RERE: variants seen among roughly 807,000 people sequenced by gnomAD.
RERE encodes the protein arginine-glutamic acid dipeptide repeats.
Under a neutral mutation model 146.1 loss-of-function variants are expected in RERE, and 40 were observed. That is an observed-to-expected ratio of 0.27 (90% confidence interval 0.21 to 0.36). RERE has a LOEUF of 0.36. RERE is among the 10% of genes least tolerant of loss of function. RERE has a pLI of 1.00. For synonymous variants in RERE, 1,003 were observed against 866.0 expected (o/e 1.16, Z -2.78); for missense variants, 1,933 against 2,138.7 (o/e 0.90, Z 1.90).
chr1:8,666,553 G>C (rs141529422), intron 1 of RERE, among the ~76,000 whole-genome samples: 54 of 152,320 alleles, frequency 3.5e-4, no homozygotes, highest in African/African-American at 1.3e-3. Flanking sequence ...ATATCAACAT[G>C]CCTGGGAAAG....
intron 12 of RERE, among the ~76,000 whole-genome samples, chr1:8,398,932 A>C (rs1643153595): frequency 6.6e-6 from 1 of 152,192 alleles, no homozygotes; most frequent in Non-Finnish European, 1.5e-5. Flanking sequence ...TAGAACTGAT[A>C]AACTTTTTTG....
chr1:8,645,514 T>C (rs1272609892), intron 2 of RERE, among the ~76,000 whole-genome samples: 1 of 152,230 alleles, frequency 6.6e-6, no homozygotes, highest in Non-Finnish European at 1.5e-5. Flanking sequence ...GAGTGATTAG[T>C]GACTCTCAAA....
rs1045707637 is a variant in RERE at position 8,363,761 on chromosome 1, C to T, written c.1740+295G>A. 4 of 452,756 alleles carry T rather than the reference C, an allele frequency of 8.8e-6. No homozygotes were observed. The South Asian group carries it at 9.0e-5, about 10-fold the overall frequency. 28.0% of individuals were successfully genotyped at this position (452,756 alleles called of 1,614,324 possible). A position where few individuals can be genotyped will look rare whatever the true frequency, so the allele number is the denominator to read the frequency against. On this transcript the variant is annotated intron_variant, in intron 15 of 22. Coordinates refer to ENST00000400908, the MANE Select transcript of RERE (RefSeq NM_001042681.2). ...GAGATTTGATACAATGGAAGTGACACCACAAGCAGCAGCCTTGGAGAGCAA... is the reference window on the plus strand; with the variant it reads ...GAGATTTGATACAATGGAAGTGACATCACAAGCAGCAGCCTTGGAGAGCAA...
At position 8,738,520 on chromosome 1, in the gene RERE, AAC is replaced by A. The variant is rs139922560; in HGVS notation, c.-145+78638_-145+78639del. Among the ~76,000 whole-genome samples, 9 of 151,846 alleles carry A rather than the reference AAC, an allele frequency of 5.9e-5. No homozygotes were observed. In the East Asian group the frequency reaches 1.5e-3, roughly 26 times the overall value. On this transcript the variant is annotated intron_variant, in intron 1 of 22. Coordinates refer to ENST00000400908, the MANE Select transcript of RERE (RefSeq NM_001042681.2). ...CTTTCTGACACCTACCACTCACTAT[AAC>A]ACACTTAACAAGCCTCTTCCCATTC... is the stretch of plus-strand genomic sequence containing the variant.
chr1:8,603,350 G>C (rs1287177299), intron 4 of RERE, among the ~76,000 whole-genome samples: 1 of 152,232 alleles, frequency 6.6e-6, no homozygotes, highest in African/African-American at 2.4e-5. Flanking sequence ...TGGTTTCTGA[G>C]TGGCAATAAC....
At chr1:8,802,041 G>C (rs1641600602) in intron 1 of RERE, among the ~76,000 whole-genome samples, 1 of 152,152 alleles carries the variant, frequency 6.6e-6, no homozygotes, top group Non-Finnish European at 1.5e-5. Flanking sequence ...AATGTCTGGA[G>C]GAATACTGAA....
At chr1:8,720,081 T>G (rs1308701659) in intron 1 of RERE, among the ~76,000 whole-genome samples, 2 of 151,028 alleles carry the variant, frequency 1.3e-5, no homozygotes, top group Non-Finnish European at 2.9e-5. Context: ...CTGGCCAACA[T>G]GGTGAAACCC....
chr1:8,638,994 CGATCTCCT>C lies in RERE; in HGVS notation c.326-14622_326-14615del, dbSNP rs1408402991. On this transcript the variant is annotated intron_variant, in intron 2 of 22. Transcript: ENST00000400908. ...TTCACCATGTTGGCCAGGATGGTCT[CGATCTCCT>C]GATCTCATTATCCTCCCATCTCGGC... 2.6e-5 allele frequency among the ~76,000 whole-genome samples: 4 copies of C among 151,890 alleles called. No homozygotes were observed. In the South Asian group the frequency reaches 6.3e-4, roughly 24 times the overall value.
In RERE at chr1:8,755,344, T is replaced by G. The variant is rs541645646; in HGVS notation, c.-145+61816A>C. On this transcript the variant is annotated intron_variant, in intron 1 of 22. Transcript: ENST00000400908. ...AAATCCATTCAATATTCTGTTTATA[T>G]CCCTTTTACCTAAACCACAAAACTA... is the stretch of plus-strand genomic sequence containing the variant. Among the ~76,000 whole-genome samples the G allele has an allele frequency of 1.8e-4, 27 of 152,360 alleles. No individual in the cohort carries two copies. The South Asian group carries it at 5.2e-3, about 29-fold the overall frequency.
chr1:8,763,571 G>T (rs960087374), intron 1 of RERE, among the ~76,000 whole-genome samples: 1 of 152,198 alleles, frequency 6.6e-6, no homozygotes, highest in Non-Finnish European at 1.5e-5. Flanking sequence ...GGAGGCAGAG[G>T]TTGCAGTGAG....
In RERE at chr1:8,355,117, T is replaced by G. The variant is rs780153785; in HGVS notation, c.4671A>C (p.Arg1557=). The G allele has an allele frequency of 1.1e-5, 17 of 1,613,900 alleles. No homozygotes were observed. In the Admixed American group the frequency reaches 2.8e-4, roughly 27 times the overall value. Residue 1557 remains arginine, a synonymous_variant, in exon 23 of 23, where the codon CGA becomes CGC. Coordinates refer to ENST00000400908, the MANE Select transcript of RERE (RefSeq NM_001042681.2). ...HLPSQEDYYS[R]LKKEGDKQL ...ACTGCTTGTCACCTTCTTTCTTCAG[T>G]CGACTGGAAAGACAAAACAGGAAAG...
intron 4 of RERE, among the ~76,000 whole-genome samples, chr1:8,584,253 G>C (rs186888042): frequency 1.3e-5 from 2 of 152,082 alleles, no homozygotes; most frequent in East Asian, 3.9e-4. Flanking sequence ...TAAGGAGAAA[G>C]TAACAAATAT....
intron 1 of RERE, among the ~76,000 whole-genome samples, chr1:8,701,318 ACACACGCACACACT>A (rs1386578502): frequency 1.9e-5 from 1 of 51,440 alleles, no homozygotes; most frequent in Non-Finnish European, 4.3e-5. Flanking sequence ...ACACACACAC[ACACACGCACACACT>A]CCCTCCCTCC....
At chr1:8,500,623 G>A (rs959319261) in intron 8 of RERE, among the ~76,000 whole-genome samples, 18 of 150,580 alleles carry the variant, frequency 1.2e-4, no homozygotes, top group Non-Finnish European at 2.4e-4. Flanking sequence ...GCCTCTGCCC[G>A]GCCGCCACCC....
chr1:8,364,916 G>A lies in RERE; in HGVS notation c.1448-78C>T. The A allele has an allele frequency of 8.5e-6, 5 of 585,294 alleles. No individual in the cohort carries two copies. The highest frequency in any genetic ancestry group is 1.7e-5 in the South Asian group (1 of 60,550). 36.3% of individuals were successfully genotyped at this position (585,294 alleles called of 1,614,324 possible). On this transcript the variant is annotated intron_variant, in intron 13 of 22. Transcript: ENST00000400908. The surrounding 1 kb of genome is among the most constrained non-coding windows in gnomAD (Gnocchi z 5.1). ...CAAGGCTGGGCCGGTGGGGTGGGGG[G>A]GAGGGGGGAACACCTGTGACCTCTG...
At chr1:8,816,359 AG>A (rs1641911579) in intron 1 of RERE, among the ~76,000 whole-genome samples, 1 of 152,232 alleles carries the variant, frequency 6.6e-6, no homozygotes, top group Non-Finnish European at 1.5e-5. Flanking sequence ...CAGTTTCTCA[AG>A]GACCCATTTT....
intron 4 of RERE, among the ~76,000 whole-genome samples, chr1:8,559,244 C>T (rs547196808): frequency 4.5e-4 from 42 of 92,392 alleles, no homozygotes; most frequent in African/African-American, 1.5e-3. Flanking sequence ...CGTGCCATTG[C>T]ACTCCAGCCT....
At chr1:8,536,102 C>T (rs1273051390) in intron 7 of RERE, among the ~76,000 whole-genome samples, 2 of 128,686 alleles carry the variant, frequency 1.6e-5, no homozygotes, top group African/African-American at 3.0e-5. Flanking sequence ...GAGACTCCAT[C>T]TCAAAAAAAA....
At chr1:8,541,870 A>G (rs1362646250) in intron 6 of RERE, among the ~76,000 whole-genome samples, 1 of 152,208 alleles carries the variant, frequency 6.6e-6, no homozygotes, top group Admixed American at 6.5e-5. Context: ...TTGCATAAAC[A>G]TGGGCCCCAA....
Sources: allele counts gnomAD v4.1 joint callset (sites outside exome capture counted in the v4.1 genomes callset), GRCh38; gene constraint gnomAD v4.1.1; non-coding constraint Gnocchi (gnomAD v3.1); transcripts MANE v1.5; gene names NCBI Gene and HGNC (gene_info 2026-07-23, HGNC 2026-07-21).